Variants in KCNMB2 observed in about 807,000 individuals in gnomAD.
KCNMB2 encodes potassium calcium-activated channel subfamily M regulatory beta subunit 2, also known as calcium-activated potassium channel subunit beta-2.
KCNMB2 carries 9 observed loss-of-function variants against 24.5 expected under a neutral mutation model. The observed-to-expected ratio is 0.37, with a 90% confidence interval of 0.22 to 0.64. KCNMB2 has a LOEUF of 0.64. KCNMB2 is among the 30% of genes least tolerant of loss of function. The pLI is 0.63. For synonymous variants in KCNMB2, 109 were observed against 104.4 expected, an observed-to-expected ratio of 1.04 and a Z score of -0.27; for missense variants, 226 against 284.3, an observed-to-expected ratio of 0.79 and a Z score of 1.47.
At chr3:178,673,971 G>T (rs918461925) in intron 1 of KCNMB2, among the ~76,000 whole-genome samples, 2 of 152,072 alleles carry the variant, frequency 1.3e-5, no homozygotes, top group Non-Finnish European at 2.9e-5. Context: ...TTTTAATCAT[G>T]TTTACTAAAC....
intron 1 of KCNMB2, among the ~76,000 whole-genome samples, chr3:178,667,070 A>T (rs957423029): frequency 3.9e-5 from 6 of 152,076 alleles, no homozygotes; most frequent in African/African-American, 1.4e-4. Context: ...TATTGTTTTT[A>T]TTGTTATATT....
rs573671684 is a variant in KCNMB2, at chr3:178,697,127, T to A, written c.-67-110216T>A. On this transcript the variant is annotated intron_variant, in intron 1 of 4. Transcript: ENST00000452583. ...GTAGATATCTATCAGGTCCATTTGA[T>A]CCAGGGCTGAGTTCAGGTCCTGAAT... Among the ~76,000 whole-genome samples, 6 of 152,304 alleles carry A rather than the reference T, an allele frequency of 3.9e-5. No individual in the cohort carries two copies. The East Asian group carries it at 1.2e-3, about 29-fold the overall frequency.
intron 1 of KCNMB2, among the ~76,000 whole-genome samples, chr3:178,718,502 C>T (rs940239488): frequency 6.6e-6 from 1 of 152,208 alleles, no homozygotes; most frequent in African/African-American, 2.4e-5. Flanking sequence ...TTCCCCCACT[C>T]TGGAATCAGA....
intron 1 of KCNMB2, among the ~76,000 whole-genome samples, chr3:178,672,809 A>G (rs1720948438): frequency 6.6e-6 from 1 of 152,190 alleles, no homozygotes; most frequent in Middle Eastern, 3.2e-3. Context: ...TTTCATTTCC[A>G]AAACCGCTCT....
At chr3:178,730,341 G>T (rs1723103222) in intron 1 of KCNMB2, among the ~76,000 whole-genome samples, 1 of 151,376 alleles carries the variant, frequency 6.6e-6, no homozygotes, top group Non-Finnish European at 1.5e-5. Context: ...GAAGGTATCT[G>T]CATGTTTTAA....
At chr3:178,648,297 G>C (rs887943982) in intron 1 of KCNMB2, among the ~76,000 whole-genome samples, 1 of 152,068 alleles carries the variant, frequency 6.6e-6, no homozygotes, top group African/African-American at 2.4e-5. Flanking sequence ...CAACACTTTG[G>C]GAAACTGAGG....
chr3:178,817,689 AAG>A (rs1714463260), intron 2 of KCNMB2, among the ~76,000 whole-genome samples: 1 of 152,206 alleles, frequency 6.6e-6, no homozygotes, highest in Non-Finnish European at 1.5e-5. Context: ...TTCTTCTGGA[AAG>A]AGTACTAAAT....
chr3:178,668,110 T>C (rs1216322261), intron 1 of KCNMB2, among the ~76,000 whole-genome samples: 2 of 152,166 alleles, frequency 1.3e-5, no homozygotes, highest in African/African-American at 4.8e-5. Context: ...ATTTGCAAGC[T>C]CAGTTGTCTA....
chr3:178,822,022 G>A (rs962557617), intron 2 of KCNMB2, among the ~76,000 whole-genome samples: 3 of 152,038 alleles, frequency 2.0e-5, no homozygotes, highest in East Asian at 1.9e-4. Context: ...AAACTCAATC[G>A]TGTCACCCTC....
chr3:178,820,848 G>T (rs1714596057), intron 2 of KCNMB2: 1 of 152,110 alleles, frequency 6.6e-6, no homozygotes, highest in Admixed American at 6.5e-5. Flanking sequence ...TTCTCCAAAG[G>T]CTTTGAACAG....
chr3:178,778,677 C>T (rs1280707460), intron 1 of KCNMB2, among the ~76,000 whole-genome samples: 2 of 152,138 alleles, frequency 1.3e-5, no homozygotes, highest in Admixed American at 6.5e-5. Flanking sequence ...TGTACCTGCA[C>T]GTTACTGTTT....
chr3:178,574,218 T>C (rs2108481245), intron 1 of KCNMB2, among the ~76,000 whole-genome samples: 1 of 152,204 alleles, frequency 6.6e-6, no homozygotes, highest in East Asian at 1.9e-4. Context: ...TGTTAGGTAG[T>C]GCAGGTTCCC....
chr3:178,689,135 A>G (rs755499256), intron 1 of KCNMB2, among the ~76,000 whole-genome samples: 3 of 152,196 alleles, frequency 2.0e-5, no homozygotes, highest in Non-Finnish European at 2.9e-5. Context: ...TGTTTATTAT[A>G]ATGCAAATTT....
intron 1 of KCNMB2, among the ~76,000 whole-genome samples, chr3:178,655,091 T>G (rs796779640): frequency 2.1e-4 from 24 of 117,034 alleles, no homozygotes; most frequent in African/African-American, 7.7e-4. Context: ...AAATATTAGC[T>G]CTCCCTCTCT....
chr3:178,664,278 T>C (rs148835694), intron 1 of KCNMB2, among the ~76,000 whole-genome samples: 90 of 152,084 alleles, frequency 5.9e-4, no homozygotes, highest in African/African-American at 2.1e-3. Flanking sequence ...CATGATTAGA[T>C]TGGAATTTTA....
At chr3:178,842,359 C>A (rs988194336) in intron 4 of KCNMB2, among the ~76,000 whole-genome samples, 1 of 152,032 alleles carries the variant, frequency 6.6e-6, no homozygotes, top group Non-Finnish European at 1.5e-5. Context: ...ATTTATTTTA[C>A]GCATGCAACA....
At chr3:178,695,510 G>A (rs1721844278) in intron 1 of KCNMB2, among the ~76,000 whole-genome samples, 1 of 152,030 alleles carries the variant, frequency 6.6e-6, no homozygotes, top group African/African-American at 2.4e-5. Flanking sequence ...ACTCTTGAAT[G>A]TCTTGCTGCT....
chr3:178,688,201 T>C (rs903278690), intron 1 of KCNMB2, among the ~76,000 whole-genome samples: 1 of 152,144 alleles, frequency 6.6e-6, no homozygotes, highest in Non-Finnish European at 1.5e-5. Context: ...AGGTGAAAAA[T>C]ATTTTATAGG....
At chr3:178,561,986 A>T (rs546553327) in intron 1 of KCNMB2, among the ~76,000 whole-genome samples, 2 of 152,342 alleles carry the variant, frequency 1.3e-5, no homozygotes, top group South Asian at 4.1e-4. Context: ...GTGTACATGA[A>T]ATAAAATCTA....
Sources: allele counts gnomAD v4.1 joint callset (sites outside exome capture counted in the v4.1 genomes callset), GRCh38; gene constraint gnomAD v4.1.1; transcripts MANE v1.5; gene names NCBI Gene and HGNC (gene_info 2026-07-23, HGNC 2026-07-21).